The following ELP4 variants were observed in gnomAD, a reference collection of about 807,000 sequenced individuals.
ELP4 encodes the protein elongator complex protein 4.
ELP4 carries 51 observed loss-of-function variants against 48.9 expected under a neutral mutation model. The ratio of observed to expected loss-of-function variants is 1.04; its 90% CI spans 0.83 to 1.32. ELP4 has a LOEUF of 1.32. ELP4 is among the 40% of genes most tolerant of loss of function. ELP4 has a pLI of 0.00. For synonymous variants in ELP4, 210 were observed against 189.2 expected (o/e 1.11, Z -0.90); for missense variants, 519 against 514.6 (o/e 1.01, Z -0.08).
intron 9 of ELP4, among the ~76,000 whole-genome samples, chr11:31,661,847 A>G (rs1018724275): frequency 7.2e-5 from 11 of 152,090 alleles, no homozygotes; most frequent in Admixed American, 6.6e-5. Flanking sequence ...CTTATGAGTT[A>G]CAGATGAAAT....
chr11:31,562,422 C>T lies in ELP4; in HGVS notation c.381+22639C>T, dbSNP rs768710722. Among the ~76,000 whole-genome samples the T allele has an allele frequency of 4.3e-4, 66 of 151,992 alleles. 1 individual carries two copies. Among genetic ancestry groups the T allele is most frequent in the Non-Finnish European group, 8.2e-4 (56 of 67,990 alleles). ...TATTATCTAGTCTTCTCAATACATT[C>T]CTGGTTTACATGTTAAAGAGAAATG... On this transcript the variant is annotated intron_variant, in intron 3 of 9. Transcript: ENST00000640961.
chr11:31,740,594 C>T (rs753071223), intron 9 of ELP4, among the ~76,000 whole-genome samples: 3 of 152,124 alleles, frequency 2.0e-5, no homozygotes, highest in African/African-American at 7.2e-5. Flanking sequence ...TTAATATTAT[C>T]GAAATGTTAG....
At position 31,608,267 on chromosome 11, in the gene ELP4, G is replaced by A. The variant is rs77983579; in HGVS notation, c.653+4360G>A. Among the ~76,000 whole-genome samples, 469 of 152,068 alleles carry A rather than the reference G, an allele frequency of 3.1e-3. 3 individuals carry two copies. The highest frequency in any genetic ancestry group is 0.011 in the African/African-American group (451 of 41,494). On this transcript the variant is annotated intron_variant, in intron 5 of 9. Transcript: ENST00000640961. ...AGGGAGAGAAGTGTATGGGGGTTAG[G>A]GACCATGGGGTGAATAGGGAGGACA...
chr11:31,671,623 C>T (rs985528902), intron 9 of ELP4, among the ~76,000 whole-genome samples: 5 of 152,212 alleles, frequency 3.3e-5, no homozygotes, highest in Non-Finnish European at 7.4e-5. Context: ...CAACAAAAAC[C>T]TCATCTAGCC....
intron 3 of ELP4, among the ~76,000 whole-genome samples, chr11:31,564,703 T>C (rs1957078144): frequency 6.6e-6 from 1 of 152,216 alleles, no homozygotes; most frequent in South Asian, 2.1e-4. Context: ...GCAAAGGACA[T>C]GAACTCATCC....
chr11:31,649,347 A>G (rs180679603), intron 8 of ELP4: 1 of 151,724 alleles, frequency 6.6e-6, no homozygotes, highest in African/African-American at 2.4e-5. Context: ...AGGCAGAAAG[A>G]TGTAGTGAAG....
intron 9 of ELP4, among the ~76,000 whole-genome samples, chr11:31,755,763 C>G (rs1211251314): frequency 1.3e-5 from 2 of 151,584 alleles, no homozygotes; most frequent in Non-Finnish European, 1.5e-5. Flanking sequence ...ATTAGTGGAC[C>G]TGGACCTGGT....
chr11:31,588,810 C>T (rs1308216752), intron 3 of ELP4, among the ~76,000 whole-genome samples: 2 of 151,984 alleles, frequency 1.3e-5, no homozygotes, highest in African/African-American at 2.4e-5. Flanking sequence ...TGGTAAAATC[C>T]GATGTCTACT....
In ELP4 at chr11:31,788,612, A is replaced by G; in HGVS notation, c.*5088A>G. 4.5e-6 allele frequency: 1 copy of G among 220,928 alleles called. No individual in the cohort carries two copies. The highest frequency in any genetic ancestry group is 9.1e-6 in the Non-Finnish European group (1 of 110,082). 13.7% of individuals were successfully genotyped at this position (220,928 alleles called of 1,614,324 possible). On this transcript the variant is annotated 3_prime_UTR_variant, in exon 10 of 10. Coordinates refer to ENST00000640961, the MANE Select transcript of ELP4 (RefSeq NM_019040.5). ...GATTGAAAATGCCAGTCCTAATTCA[A>G]AAAACAATTCCTAGCTAATCGCTTG...
At chr11:31,552,424 A>G (rs1423991878) in intron 3 of ELP4, among the ~76,000 whole-genome samples, 4 of 152,106 alleles carry the variant, frequency 2.6e-5, no homozygotes, top group Non-Finnish European at 4.4e-5. Flanking sequence ...TCCCTACAGT[A>G]CATATTACTT....
intron 9 of ELP4, chr11:31,780,681 C>A (rs1235101946): frequency 6.6e-6 from 1 of 152,150 alleles, no homozygotes; most frequent in Non-Finnish European, 1.5e-5. Flanking sequence ...CTCTGAAGGG[C>A]TTTCGGCCAA....
intron 9 of ELP4, among the ~76,000 whole-genome samples, chr11:31,697,252 A>G (rs1319936602): frequency 1.3e-5 from 2 of 152,164 alleles, no homozygotes; most frequent in East Asian, 3.9e-4. Flanking sequence ...GTGACTTTAG[A>G]AGAGTTATCT....
chr11:31,642,138 C>T (rs1213323488), intron 7 of ELP4, among the ~76,000 whole-genome samples: 1 of 151,868 alleles, frequency 6.6e-6, no homozygotes, highest in African/African-American at 2.4e-5. Flanking sequence ...CCAGCCTATT[C>T]ATTTCAGTAT....
chr11:31,693,447 A>G (rs927039553), intron 9 of ELP4, among the ~76,000 whole-genome samples: 19 of 152,038 alleles, frequency 1.2e-4, no homozygotes, highest in African/African-American at 4.3e-4. Context: ...GCTGAGAATG[A>G]TGGTTTCCAG....
chr11:31,710,807 T>G (rs1946726020), intron 9 of ELP4, among the ~76,000 whole-genome samples: 1 of 152,122 alleles, frequency 6.6e-6, no homozygotes, highest in South Asian at 2.1e-4. Flanking sequence ...TCCATATCTT[T>G]TCATGTAACT....
At chr11:31,677,292 C>T (rs965731011) in intron 9 of ELP4, among the ~76,000 whole-genome samples, 3 of 152,158 alleles carry the variant, frequency 2.0e-5, no homozygotes, top group Non-Finnish European at 2.9e-5. Flanking sequence ...AGCAATGTAA[C>T]GCACACCAAG....
At chr11:31,539,809 G>A in intron 3 of ELP4, 26 bp downstream of exon 3, 3 of 1,545,738 alleles carry the variant, frequency 1.9e-6, no homozygotes, top group East Asian at 2.3e-5. Flanking sequence ...ACTTAATATT[G>A]CATTTTGAAT....
At chr11:31,545,447 A>G (rs1311394174) in intron 3 of ELP4, among the ~76,000 whole-genome samples, 5 of 152,138 alleles carry the variant, frequency 3.3e-5, no homozygotes, top group Non-Finnish European at 7.3e-5. Context: ...AAGAATAAAA[A>G]GAAACAAACA....
chr11:31,565,875 T>G (rs1176873747), intron 3 of ELP4, among the ~76,000 whole-genome samples: 2 of 152,210 alleles, frequency 1.3e-5, no homozygotes, highest in Non-Finnish European at 2.9e-5. Context: ...TGGTTCCATA[T>G]GAACTGTAAA....
Sources: gnomAD v4.1 joint callset for allele counts (sites outside exome capture counted in the v4.1 genomes callset) on GRCh38, gnomAD v4.1.1 for gene constraint, MANE v1.5 for transcripts, NCBI Gene and HGNC (gene_info 2026-07-23, HGNC 2026-07-21) for gene names.